PACC1: variants seen among roughly 807,000 people sequenced by gnomAD.
PACC1 encodes the protein proton-activated chloride channel.
PACC1 carries 34 observed loss-of-function variants against 39.7 expected under a neutral mutation model. The observed-to-expected ratio is 0.86, with a 90% CI of 0.65 to 1.14. The LOEUF (loss-of-function observed/expected upper bound fraction) is 1.14. Ranked by LOEUF, PACC1 falls within the 50% of genes most tolerant of loss-of-function variation. The pLI is 0.00. For missense variants in PACC1, 379 were observed against 436.4 expected (o/e 0.87, Z 1.17); for synonymous variants, 127 against 160.6 (o/e 0.79, Z 1.58).
chr1:212,386,553 A>G lies in PACC1; in HGVS notation c.343+338T>C, dbSNP rs1223412689. On this transcript the variant is annotated intron_variant, in intron 3 of 7. Coordinates refer to ENST00000261455, the MANE Select transcript of PACC1 (RefSeq NM_018252.3). The surrounding 1 kb of genome is among the most constrained non-coding windows in gnomAD (Gnocchi z 5.0). ...CTCCAGAGAAGCCCTCTGCCTCCCT[A>G]GACACCCCTTCGCTCTGCTGATCCC... Among the ~76,000 whole-genome samples, 1 of 151,890 alleles carries G rather than the reference A, an allele frequency of 6.6e-6. No individual in the cohort carries two copies. Among genetic ancestry groups the G allele is most frequent in the Non-Finnish European group, 1.5e-5 (1 of 67,966 alleles).
Position 212,392,030 on chromosome 1 carries a change from T to C in PACC1, c.134-4930A>G, listed in dbSNP as rs1262880598. Among the ~76,000 whole-genome samples, 3 of 152,140 alleles carry C rather than the reference T, an allele frequency of 2.0e-5. No homozygotes were observed. In the East Asian group the frequency reaches 5.8e-4, roughly 29 times the overall value. ...TTGGAAAACACTCTGCAGGATATTATCCAGGAGAACTTCCCCAACCAAGCA... is the reference window on the plus strand; with the variant it reads ...TTGGAAAACACTCTGCAGGATATTACCCAGGAGAACTTCCCCAACCAAGCA... On this transcript the variant is annotated intron_variant, in intron 2 of 7. Coordinates refer to ENST00000261455, the MANE Select transcript of PACC1 (RefSeq NM_018252.3).
chr1:212,373,074 C>G (rs1413565224), intron 7 of PACC1, among the ~76,000 whole-genome samples: 3 of 152,148 alleles, frequency 2.0e-5, no homozygotes, highest in Non-Finnish European at 4.4e-5. Context: ...AAGAACAAAG[C>G]TGAAGGCATC....
chr1:212,396,440 G>A (rs1661520083), intron 2 of PACC1, among the ~76,000 whole-genome samples: 1 of 152,094 alleles, frequency 6.6e-6, no homozygotes, highest in Admixed American at 6.6e-5. Flanking sequence ...CCTGTTGTGG[G>A]GTGGGGGAAG....
chr1:212,393,059 T>C (rs1246575755), intron 2 of PACC1, among the ~76,000 whole-genome samples: 2 of 152,184 alleles, frequency 1.3e-5, no homozygotes, highest in Non-Finnish European at 2.9e-5. Flanking sequence ...TATCCAGGAA[T>C]TGAATTCAGC....
rs1475910922 is a variant in PACC1, at chr1:212,381,677, GACACACACACACACACTGCACAC to G, written c.496-1663_496-1641del. 1.4e-4 allele frequency among the ~76,000 whole-genome samples: 12 copies of G among 86,950 alleles called. No homozygotes were observed. The East Asian group carries it at 2.8e-3, about 21-fold the overall frequency. The allele number at this position is 86,950 out of a possible 152,430, so 57.0% of individuals were successfully genotyped here. The stretch of plus-strand genomic sequence containing the variant: ...CTTCCCAGGCCTGGGCATGTGCACA[GACACACACACACACACTGCACAC>G]ACACACACACACACACACACACACA... On this transcript the variant is annotated intron_variant, in intron 4 of 7. Coordinates refer to ENST00000261455, the MANE Select transcript of PACC1 (RefSeq NM_018252.3).
Position 212,365,231 on chromosome 1 carries a change from G to T in PACC1, c.1037C>A (p.Thr346Lys), listed in dbSNP as rs748844764. Residue 346 changes from threonine (T) to lysine (K), a missense_variant, in exon 8 of 8, where the codon ACG becomes AAG. Transcript: ENST00000261455. ...KRYLKRRGQA[T>K]SHIS is the part of the protein sequence containing the mutation. ...GAGGTGACTTCAGCTTATGTGGCTC[G>T]TTGCCTGACCTCTTCTTTTAAGGTA... 9 of 1,613,332 alleles carry T rather than the reference G, an allele frequency of 5.6e-6. No homozygotes were observed. Among genetic ancestry groups the T allele is most frequent in the Non-Finnish European group, 7.6e-6 (9 of 1,179,740 alleles).
chr1:212,405,672 C>G (rs1661883102), intron 2 of PACC1, among the ~76,000 whole-genome samples: 1 of 152,184 alleles, frequency 6.6e-6, no homozygotes, highest in South Asian at 2.1e-4. Flanking sequence ...CTAGGAACAA[C>G]TGAGCCAGAG....
chr1:212,410,599 A>C, intron 1 of PACC1, 78 bp from the exon 2 acceptor site: 1 of 1,298,672 alleles, frequency 7.7e-7, no homozygotes, highest in Non-Finnish European at 1.1e-6. Context: ...AAGAAAGCAG[A>C]AGCTGCTTGT....
intron 2 of PACC1, among the ~76,000 whole-genome samples, chr1:212,404,844 T>C (rs1057440099): frequency 1.3e-5 from 2 of 152,114 alleles, no homozygotes; most frequent in African/African-American, 4.8e-5. Context: ...TCTCGGCTCA[T>C]TGCAACCTCC....
At chr1:212,404,970 A>G (rs981009722) in intron 2 of PACC1, among the ~76,000 whole-genome samples, 1 of 151,870 alleles carries the variant, frequency 6.6e-6, no homozygotes, top group African/African-American at 2.4e-5. Context: ...ATGGGGTTTC[A>G]CCACGCTGGC....
At chr1:212,381,660 G>T (rs1571644268) in intron 4 of PACC1, among the ~76,000 whole-genome samples, 1 of 144,792 alleles carries the variant, frequency 6.9e-6, no homozygotes, top group African/African-American at 2.5e-5. Context: ...ACCTTCCCAG[G>T]CCTGGGCATG....
In PACC1 at chr1:212,382,563, C is replaced by T. The variant is rs61682449; in HGVS notation, c.496-2526G>A. The stretch of plus-strand genomic sequence containing the variant: ...AATCAGCAAAATTCCGAAGATTTTA[C>T]AAATACAACAGGATGAGACCCTCGA... On this transcript the variant is annotated intron_variant, in intron 4 of 7. Coordinates refer to ENST00000261455, the MANE Select transcript of PACC1 (RefSeq NM_018252.3). 7.8e-3 allele frequency among the ~76,000 whole-genome samples: 1,195 copies of T among 152,264 alleles called. 17 individuals carry two copies. The highest frequency in any genetic ancestry group is 0.027 in the African/African-American group (1,125 of 41,542).
chr1:212,402,339 T>TA (rs1359013816), intron 2 of PACC1, among the ~76,000 whole-genome samples: 4 of 152,236 alleles, frequency 2.6e-5, no homozygotes, highest in Non-Finnish European at 4.4e-5. Context: ...ATCCACTTTT[T>TA]AAAAATTATA....
At chr1:212,412,809 C>T (rs551279863) in intron 1 of PACC1, among the ~76,000 whole-genome samples, 1 of 152,368 alleles carries the variant, frequency 6.6e-6, no homozygotes, top group South Asian at 2.1e-4. Context: ...GCTGCCCACA[C>T]CGTTAACAAG....
intron 1 of PACC1, among the ~76,000 whole-genome samples, chr1:212,414,375 G>A (rs1662252924): frequency 6.6e-6 from 1 of 152,226 alleles, no homozygotes; most frequent in South Asian, 2.1e-4. Context: ...GTTCCTCTGG[G>A]CCATTGGGCT....
In PACC1 at chr1:212,385,704, G is replaced by A. The variant is rs111508127; in HGVS notation, c.344-279C>T. ...AAAACCCACTCCACCTCAGAGCCCC[G>A]CTCCACACCCTCCGAAGGAGTGTCT... On this transcript the variant is annotated intron_variant, in intron 3 of 7. Transcript: ENST00000261455. 5.3e-5 allele frequency among the ~76,000 whole-genome samples: 8 copies of A among 152,160 alleles called. 1 individual carries two copies. The highest frequency in any genetic ancestry group is 1.4e-4 in the African/African-American group (6 of 41,516).
intron 2 of PACC1, among the ~76,000 whole-genome samples, chr1:212,401,024 T>A (rs1430351770): frequency 6.6e-6 from 1 of 152,224 alleles, no homozygotes; most frequent in Non-Finnish European, 1.5e-5. Context: ...ATTTTTTGCC[T>A]ACCTTTTTTT....
intron 7 of PACC1, among the ~76,000 whole-genome samples, chr1:212,373,876 A>G (rs1327067079): frequency 6.6e-6 from 1 of 152,174 alleles, no homozygotes; most frequent in Admixed American, 6.5e-5. Context: ...GAAGATGTGG[A>G]AAAAGGGGAA....
At chr1:212,367,882 C>G (rs186258776) in intron 7 of PACC1, among the ~76,000 whole-genome samples, 5 of 152,144 alleles carry the variant, frequency 3.3e-5, no homozygotes, top group African/African-American at 9.7e-5. Flanking sequence ...GGACCCAAAC[C>G]CCAGCCAGCT....
Sources: gnomAD v4.1 joint callset for allele counts (sites outside exome capture counted in the v4.1 genomes callset) on GRCh38, gnomAD v4.1.1 for gene constraint, Gnocchi (gnomAD v3.1) non-coding constraint, MANE v1.5 for transcripts, NCBI Gene and HGNC (gene_info 2026-07-23, HGNC 2026-07-21) for gene names.